COX6A1: variants seen among roughly 807,000 people sequenced by gnomAD.
The protein encoded by COX6A1 is cytochrome c oxidase subunit 6A1, also known as cytochrome c oxidase subunit 6A1, mitochondrial.
In COX6A1, 10 loss-of-function variants were observed where a neutral mutation model predicts 11.3. The observed-to-expected ratio is 0.88, with a 90% CI of 0.54 to 1.50. COX6A1 has a LOEUF of 1.50. COX6A1 is among the 40% of genes most tolerant of loss of function. COX6A1 has a pLI of 0.00. For synonymous variants in COX6A1, 81 were observed against 60.6 expected (o/e 1.34, Z -1.57); for missense variants, 149 against 147.6 (o/e 1.01, Z -0.05).
chr12:120,438,540 C>G lies in COX6A1; in HGVS notation c.246+19C>G. The stretch of plus-strand genomic sequence containing the variant: ...GACCAAGGTACGCCCTTGTACATCT[C>G]TTCAAGCGTCCGTTCTCTTTTCGTT... On this transcript the variant is annotated intron_variant, in intron 2 of 2. Coordinates refer to ENST00000229379, the MANE Select transcript of COX6A1 (RefSeq NM_004373.4). 2 of 1,614,198 alleles carry G rather than the reference C, an allele frequency of 1.2e-6. No individual in the cohort carries two copies. Among genetic ancestry groups the G allele is most frequent in the Non-Finnish European group, 1.7e-6 (2 of 1,180,038 alleles).
intron 2 of COX6A1, chr12:120,440,248 T>C: frequency 2.1e-6 from 1 of 485,764 alleles, no homozygotes; most frequent in South Asian, 2.6e-5. Context: ...ATTAAAACTG[T>C]CCTGTAGCCA....
chr12:120,440,395 G>T, intron 2 of COX6A1, 59 bp from the exon 3 acceptor site: 1 of 1,334,042 alleles, frequency 7.5e-7, no homozygotes, highest in East Asian at 2.3e-5. Flanking sequence ...AGCAGTTCAT[G>T]ACGGTGTTCT....
chr12:120,439,892 C>G (rs1348669804), intron 2 of COX6A1: 1 of 151,858 alleles, frequency 6.6e-6, no homozygotes, highest in African/African-American at 2.4e-5. Flanking sequence ...CCCTCCCCCG[C>G]CCCCATCACA....
In COX6A1 at chr12:120,440,429, T is replaced by C. The variant is rs117492062; in HGVS notation, c.247-25T>C. The C allele has an allele frequency of 3.7e-3, 5,851 of 1,565,932 alleles. 139 individuals are homozygous for C. The East Asian group carries it at 0.05, about 13-fold the overall frequency. On this transcript the variant is annotated intron_variant, in intron 2 of 2. Coordinates refer to ENST00000229379, the MANE Select transcript of COX6A1 (RefSeq NM_004373.4). ...CTTTCTAAATTATTTTCTGGAATTA[T>C]CTAACTGACATCTTCACTCCACAGC...
intron 2 of COX6A1, chr12:120,440,033 C>T (rs1485707824): frequency 1.3e-5 from 2 of 155,682 alleles, no homozygotes; most frequent in African/African-American, 4.8e-5. Flanking sequence ...TTTCCCAGCC[C>T]AGATATTGTT....
intron 2 of COX6A1, chr12:120,440,180 A>G (rs1877688624): frequency 3.0e-6 from 1 of 334,962 alleles, no homozygotes; most frequent in Admixed American, 4.3e-5. Flanking sequence ...TACTAGGGAG[A>G]GGATGATGAG....
chr12:120,439,467 G>A (rs1304670010), intron 2 of COX6A1, among the ~76,000 whole-genome samples: 1 of 152,094 alleles, frequency 6.6e-6, no homozygotes, highest in African/African-American at 2.4e-5. Context: ...AGGAGGAGGA[G>A]GTTGCAGTGA....
chr12:120,439,255 G>A (rs1300189206), intron 2 of COX6A1, among the ~76,000 whole-genome samples: 1 of 152,250 alleles, frequency 6.6e-6, no homozygotes, highest in South Asian at 2.1e-4. Context: ...GGCCATGCGC[G>A]GTGGCTCACG....
intron 2 of COX6A1, 122 bp downstream of exon 2, chr12:120,438,643 C>CA: frequency 7.3e-7 from 1 of 1,364,572 alleles, no homozygotes; most frequent in South Asian, 1.2e-5. Flanking sequence ...TCCTCACAAA[C>CA]AGAAAATGTA....
chr12:120,439,128 A>G (rs1877652658), intron 2 of COX6A1, among the ~76,000 whole-genome samples: 1 of 152,192 alleles, frequency 6.6e-6, no homozygotes, highest in African/African-American at 2.4e-5. Context: ...TCTATTCCCC[A>G]CCAATACCTT....
At chr12:120,438,590 C>T in intron 2 of COX6A1, 69 bp downstream of exon 2, 3 of 1,607,098 alleles carry the variant, frequency 1.9e-6, no homozygotes, top group East Asian at 2.2e-5. Context: ...GCAAGTTCTT[C>T]ATTCTCTGAA....
chr12:120,438,333 C>T (rs978467749), intron 1 of COX6A1, 46 bp from the exon 2 acceptor site: 1 of 1,613,900 alleles, frequency 6.2e-7, no homozygotes, highest in Non-Finnish European at 8.5e-7. Context: ...AAGTGAGACC[C>T]GGGCCCGCCC....
intron 2 of COX6A1, 26 bp from the exon 3 acceptor site, chr12:120,440,428 A>G: frequency 6.4e-7 from 1 of 1,560,858 alleles, no homozygotes; most frequent in Non-Finnish European, 8.8e-7. Flanking sequence ...TTCTGGAATT[A>G]TCTAACTGAC....
In COX6A1 at chr12:120,438,623, A is replaced by T. The variant is rs573272634; in HGVS notation, c.246+102A>T. On this transcript the variant is annotated intron_variant, in intron 2 of 2. Transcript: ENST00000229379. ...GAAGGCATGGGTGCCAGGCGTGTAC[A>T]GCTTGTTTATCCTCACAAACAGAAA... 2,259 of 1,506,836 alleles carry T rather than the reference A, an allele frequency of 1.5e-3. 9 individuals carry two copies. Among genetic ancestry groups the T allele is most frequent in the Non-Finnish European group, 1.9e-3 (2,110 of 1,085,654 alleles). 93.3% of individuals were successfully genotyped at this position (1,506,836 alleles called of 1,614,324 possible).
chr12:120,439,325 AAGACC>A (rs1877657565), intron 2 of COX6A1, among the ~76,000 whole-genome samples: 1 of 152,162 alleles, frequency 6.6e-6, no homozygotes, highest in African/African-American at 2.4e-5. Flanking sequence ...TCAGGAGTTC[AAGACC>A]AGCCTCGTCA....
chr12:120,440,155 A>G (rs1009590758), intron 2 of COX6A1: 2 of 253,748 alleles, frequency 7.9e-6, no homozygotes, highest in African/African-American at 4.5e-5. Context: ...TAAACACAGC[A>G]CTGGATATAC....
chr12:120,438,587 C>T (rs1012719096), intron 2 of COX6A1, 66 bp downstream of exon 2: 5 of 1,608,518 alleles, frequency 3.1e-6, no homozygotes, highest in African/African-American at 1.3e-5. Context: ...AGTGCAAGTT[C>T]TTCATTCTCT....
intron 2 of COX6A1, 189 bp from the exon 3 acceptor site, chr12:120,440,265 C>CT: frequency 1.9e-6 from 1 of 520,176 alleles, no homozygotes; most frequent in Non-Finnish European, 3.5e-6. Context: ...GCCAGGATAA[C>CT]TTTAAGGGCT....
Position 120,440,456 on chromosome 12 carries a change from G to A in COX6A1, c.249G>A (p.Pro83=), listed in dbSNP as rs146125922. 1.1e-4 allele frequency: 170 copies of A among 1,611,288 alleles called. No homozygotes were observed. In the African/African-American group the frequency reaches 1.7e-3, roughly 16 times the overall value. The change falls in exon 3 of 3, where the codon CCG becomes CCA. Residue 83 remains proline (P), a splice_region_variant and synonymous_variant. Coordinates refer to ENST00000229379, the MANE Select transcript of COX6A1 (RefSeq NM_004373.4). ...TAACTGACATCTTCACTCCACAGCC[G>A]TTTCCCTGGGGAGATGGTAACCATA... ...AYPHLRIRTK[P]FPWGDGNHTL... is the part of the protein sequence containing the mutation.
Sources: gnomAD v4.1 joint callset for allele counts (sites outside exome capture counted in the v4.1 genomes callset) on GRCh38, gnomAD v4.1.1 for gene constraint, MANE v1.5 for transcripts, NCBI Gene and HGNC (gene_info 2026-07-23, HGNC 2026-07-21) for gene names.